ELAPOR2: variants seen among roughly 807,000 people sequenced by gnomAD.
The protein encoded by ELAPOR2 is endosome/lysosome-associated apoptosis and autophagy regulator family member 2.
Under a neutral mutation model 120.7 loss-of-function variants are expected in ELAPOR2, and 89 were observed. That is an observed-to-expected ratio of 0.74 (90% CI 0.62 to 0.88). The LOEUF (loss-of-function observed/expected upper bound fraction) is 0.88. Ranked by LOEUF, ELAPOR2 falls within the 40% of genes least tolerant of loss-of-function variation. The pLI is 0.00. For missense variants in ELAPOR2, 1,134 were observed against 1,251.6 expected, an observed-to-expected ratio of 0.91 and a Z score of 1.42; for synonymous variants, 444 against 444.9, an observed-to-expected ratio of 1.00 and a Z score of 0.03.
chr7:86,991,560 G>GT (rs1792945799), intron 1 of ELAPOR2, among the ~76,000 whole-genome samples: 1 of 152,136 alleles, frequency 6.6e-6, no homozygotes, highest in African/African-American at 2.4e-5. Flanking sequence ...AAAGTAATTA[G>GT]TAAGTTATTG....
At chr7:87,054,313 G>T (rs1466664902) in intron 1 of ELAPOR2, among the ~76,000 whole-genome samples, 1 of 152,116 alleles carries the variant, frequency 6.6e-6, no homozygotes, top group Non-Finnish European at 1.5e-5. Flanking sequence ...TCCATCCCTT[G>T]TGCTAAAATA....
intron 13 of ELAPOR2, 30 bp downstream of exon 13, chr7:86,914,693 A>C: frequency 6.3e-7 from 1 of 1,583,114 alleles, no homozygotes. Flanking sequence ...AGTGTGTTTA[A>C]AATTTTAAAA....
rs550829443 is a variant in ELAPOR2 at position 86,903,982 on chromosome 7, A to C, written c.2558+3688T>G. Reference sequence around the variant, plus strand: ...CCTCTAACTTAGTGTGCTTCTTTGCAAATCTCTGCCCATGAGGAATTGGAT... The same window carrying C: ...CCTCTAACTTAGTGTGCTTCTTTGCCAATCTCTGCCCATGAGGAATTGGAT... On this transcript the variant is annotated intron_variant, in intron 18 of 21. Transcript: ENST00000450689. 3.9e-5 allele frequency among the ~76,000 whole-genome samples: 6 copies of C among 152,296 alleles called. No homozygotes were observed. In the East Asian group the frequency reaches 7.7e-4, roughly 20 times the overall value.
At chr7:86,906,850 G>A (rs568028304) in intron 18 of ELAPOR2, among the ~76,000 whole-genome samples, 6 of 151,982 alleles carry the variant, frequency 3.9e-5, no homozygotes, top group African/African-American at 1.2e-4. Context: ...GCAATGTAGG[G>A]AGATTCCCAT....
chr7:87,038,054 A>G (rs1348264636), intron 1 of ELAPOR2, among the ~76,000 whole-genome samples: 2 of 152,198 alleles, frequency 1.3e-5, no homozygotes, highest in African/African-American at 4.8e-5. Flanking sequence ...TGAGCTAATA[A>G]ACATATGAAT....
chr7:87,044,987 GC>G (rs1370918296), intron 1 of ELAPOR2, among the ~76,000 whole-genome samples: 2 of 146,104 alleles, frequency 1.4e-5, no homozygotes, highest in African/African-American at 2.7e-5. Flanking sequence ...CATTTATGCA[GC>G]CAAAAAACAC....
chr7:87,038,451 A>C (rs1426114928), intron 1 of ELAPOR2, among the ~76,000 whole-genome samples: 1 of 152,240 alleles, frequency 6.6e-6, no homozygotes, highest in Non-Finnish European at 1.5e-5. Context: ...CCTAAATAGG[A>C]AATCTCACAA....
chr7:86,886,825 C>T (rs981679065), intron 21 of ELAPOR2, among the ~76,000 whole-genome samples: 10 of 152,232 alleles, frequency 6.6e-5, no homozygotes, highest in Middle Eastern at 3.4e-3. Context: ...ATAGGACCCT[C>T]GATTTATCGA....
intron 6 of ELAPOR2, 28 bp from the exon 7 acceptor site, chr7:86,938,988 G>T: frequency 6.2e-7 from 1 of 1,611,732 alleles, no homozygotes; most frequent in Non-Finnish European, 8.5e-7. Context: ...ACAGAGCATG[G>T]GAGGGGGACC....
intron 8 of ELAPOR2, among the ~76,000 whole-genome samples, chr7:86,931,399 C>T (rs1487301225): frequency 6.6e-6 from 1 of 151,870 alleles, no homozygotes; most frequent in African/African-American, 2.4e-5. Context: ...CTCTGTAAGA[C>T]AAGTAGAAAA....
chr7:87,022,153 T>C (rs992337838), intron 1 of ELAPOR2, among the ~76,000 whole-genome samples: 4 of 152,068 alleles, frequency 2.6e-5, no homozygotes, highest in African/African-American at 9.7e-5. Context: ...TATGTATACA[T>C]GTGCCATGTT....
intron 17 of ELAPOR2, among the ~76,000 whole-genome samples, 176 bp downstream of exon 17, chr7:86,908,271 G>C (rs1478529241): frequency 6.6e-6 from 1 of 151,600 alleles, no homozygotes; most frequent in East Asian, 1.9e-4. Flanking sequence ...TAATTATTAA[G>C]TATAAGCTAC....
rs1283465224 is a variant in ELAPOR2, at chr7:86,947,733, C to T, written c.500G>A (p.Cys167Tyr). The T allele has an allele frequency of 6.5e-7, 1 of 1,550,356 alleles. No homozygotes were observed. The highest frequency in any genetic ancestry group is 8.7e-7 in the Non-Finnish European group (1 of 1,145,964). ...VGPSDSRPDG[C>Y]NNSSWIPRGN... The stretch of plus-strand genomic sequence containing the variant: ...GGCTGCTTTGGATTCTTACTTGTTA[C>T]AGCCGTCTGGCCTGCTGTCAGAAGG... The change falls in exon 3 of 22, where the codon TGT (cysteine) becomes TAT (tyrosine). Residue 167 changes from cysteine (C) to tyrosine (Y), a missense_variant. By Grantham distance (194) the Cys-to-Tyr change is radical. Transcript: ENST00000450689.
intron 13 of ELAPOR2, among the ~76,000 whole-genome samples, chr7:86,913,554 C>T (rs62488044): frequency 6.2e-4 from 95 of 152,258 alleles, no homozygotes; most frequent in African/African-American, 2.3e-3. Context: ...CATTTATTCA[C>T]ATCTTAGCCT....
chr7:87,049,313 G>T (rs1405289459), intron 1 of ELAPOR2, among the ~76,000 whole-genome samples: 2 of 151,466 alleles, frequency 1.3e-5, no homozygotes, highest in African/African-American at 2.4e-5. Flanking sequence ...ACCGAGCCTC[G>T]CTCTGTCGCC....
intron 2 of ELAPOR2, among the ~76,000 whole-genome samples, chr7:86,949,852 C>T (rs75817557): frequency 6.6e-6 from 1 of 152,350 alleles, no homozygotes; most frequent in East Asian, 1.9e-4. Context: ...CTTGACCGAA[C>T]AGCCTGGGTG....
In ELAPOR2 at chr7:86,983,033, G is replaced by A. The variant is rs145410278; in HGVS notation, c.190-18009C>T. 3.2e-3 allele frequency among the ~76,000 whole-genome samples: 486 copies of A among 152,300 alleles called. 1 individual carries two copies. The highest frequency in any genetic ancestry group is 0.011 in the African/African-American group (463 of 41,564). On this transcript the variant is annotated intron_variant, in intron 1 of 21. Transcript: ENST00000450689. ...GAAAACCATGGCACGAGAATGACGT[G>A]ACACATGCACAAGCTTCATTAGCCA... is the stretch of plus-strand genomic sequence containing the variant.
chr7:87,042,379 A>G (rs985046936), intron 1 of ELAPOR2, among the ~76,000 whole-genome samples: 1 of 151,116 alleles, frequency 6.6e-6, no homozygotes, highest in Non-Finnish European at 1.5e-5. Flanking sequence ...CTCCTCAGCA[A>G]ATGTAAAAGA....
intron 19 of ELAPOR2, among the ~76,000 whole-genome samples, chr7:86,894,604 C>A (rs1788349771): frequency 1.3e-5 from 2 of 151,960 alleles, no homozygotes; most frequent in African/African-American, 2.4e-5. Flanking sequence ...ATAAGTGTCT[C>A]AAATACCGAC....
Sources: allele counts gnomAD v4.1 joint callset (sites outside exome capture counted in the v4.1 genomes callset), GRCh38; gene constraint gnomAD v4.1.1; transcripts MANE v1.5; gene names NCBI Gene and HGNC (gene_info 2026-07-23, HGNC 2026-07-21).